The following ASPG variants were observed in gnomAD, a reference collection of about 807,000 sequenced individuals.
The protein encoded by ASPG is asparaginase.
Under a neutral mutation model 63.2 loss-of-function variants are expected in ASPG, and 53 were observed. The observed-to-expected ratio is 0.84, with a 90% CI of 0.67 to 1.05. The LOEUF (loss-of-function observed/expected upper bound fraction) is 1.05. ASPG is among the 50% of genes least tolerant of loss of function. ASPG has a pLI of 0.00. For synonymous variants in ASPG, 370 were observed against 355.0 expected (o/e 1.04, Z -0.48); for missense variants, 741 against 794.4 (o/e 0.93, Z 0.81).
chr14:104,108,414 C>T (rs945287635), intron 12 of ASPG: 21 of 985,284 alleles, frequency 2.1e-5, no homozygotes, highest in South Asian at 4.7e-5. Context: ...GCTCACAGCA[C>T]GCCCCCAACC....
At chr14:104,112,044 T>G in intron 15 of ASPG, 44 bp downstream of exon 15, 1 of 1,522,058 alleles carries the variant, frequency 6.6e-7, no homozygotes, top group Non-Finnish European at 8.9e-7. Context: ...CCAGTGAGCT[T>G]CTAGTGCAGG....
chr14:104,106,322 C>T (rs1252537955), intron 10 of ASPG, among the ~76,000 whole-genome samples: 4 of 152,228 alleles, frequency 2.6e-5, no homozygotes, highest in Non-Finnish European at 5.9e-5. Flanking sequence ...GGACCGCGGC[C>T]TTTTGGCGTC....
intron 2 of ASPG, 126 bp downstream of exon 2, chr14:104,092,867 A>G (rs1376893784): frequency 2.6e-6 from 2 of 778,914 alleles, no homozygotes; most frequent in Admixed American, 4.4e-5. Flanking sequence ...ACATCCCCTC[A>G]GCTTACAGGG....
At chr14:104,107,389 C>A in intron 12 of ASPG, 44 bp downstream of exon 12, 1 of 1,370,118 alleles carries the variant, frequency 7.3e-7, no homozygotes, top group South Asian at 1.9e-5. Flanking sequence ...GACAGGTGGG[C>A]GCAGAGAGGC....
chr14:104,097,853 C>CGT lies in ASPG; in HGVS notation c.513+216_513+217insGT, dbSNP rs1293899657. 6.9e-4 allele frequency among the ~76,000 whole-genome samples: 92 copies of CGT among 133,206 alleles called. 5 individuals carry two copies. The highest frequency in any genetic ancestry group is 1.3e-3 in the Admixed American group (18 of 13,348). The allele number at this position is 133,206 out of a possible 152,430, so 87.4% of individuals were successfully genotyped here. On this transcript the variant is annotated intron_variant, in intron 5 of 15. Transcript: ENST00000551177. Reference sequence around the variant, plus strand: ...GTATGGAGGTTCTGCGTTAGAGATGCATATGGAGGTTCTACGTTAGAGATA... The same window carrying CGT: ...GTATGGAGGTTCTGCGTTAGAGATGCGTATATGGAGGTTCTACGTTAGAGATA...
intron 12 of ASPG, chr14:104,108,472 T>G: frequency 1.0e-6 from 1 of 985,434 alleles, no homozygotes; most frequent in Non-Finnish European, 1.2e-6. Context: ...GCCGCCTGCC[T>G]GGCCCTGCTG....
rs1319760213 is a variant in ASPG, at chr14:104,110,205, C to A, written c.1520+890C>A. 9.1e-6 allele frequency: 9 copies of A among 985,008 alleles called. No individual in the cohort carries two copies. The East Asian group carries it at 3.4e-4, about 37-fold the overall frequency. The allele number at this position is 985,008 out of a possible 1,614,324, so 61.0% of individuals were successfully genotyped here. ...TGCTGTGAGTGGTGGGGTCTGTGCG[C>A]CTGTAAGTCCAGAGTCCCAGGCTTG... On this transcript the variant is annotated intron_variant, in intron 13 of 15. Coordinates refer to ENST00000551177, the MANE Select transcript of ASPG (RefSeq NM_001080464.3). This position sits in a 1 kb window ranked among gnomAD's most constrained non-coding sequence, Gnocchi z 4.7.
Position 104,086,067 on chromosome 14 carries a change from G to A in ASPG, c.82+215G>A, listed in dbSNP as rs1204199522. ...GAGATTGCGGTGGGTTCTCGCCGTCGCGGTGCTCCCGGGAGCGCCCTGCGA... is the reference window on the plus strand; with the variant it reads ...GAGATTGCGGTGGGTTCTCGCCGTCACGGTGCTCCCGGGAGCGCCCTGCGA... On this transcript the variant is annotated intron_variant, in intron 1 of 15. Coordinates refer to ENST00000551177, the MANE Select transcript of ASPG (RefSeq NM_001080464.3). 2.6e-5 allele frequency among the ~76,000 whole-genome samples: 4 copies of A among 152,230 alleles called. No individual in the cohort carries two copies. In the East Asian group the frequency reaches 7.8e-4, roughly 30 times the overall value.
intron 4 of ASPG, among the ~76,000 whole-genome samples, chr14:104,096,539 C>T (rs993120934): frequency 1.3e-5 from 2 of 152,144 alleles, no homozygotes; most frequent in South Asian, 2.1e-4. Flanking sequence ...CCCCAGAACT[C>T]GAGAAGGAGG....
In ASPG at chr14:104,098,190, G is replaced by A. The variant is rs367951384; in HGVS notation, c.513+553G>A. Among the ~76,000 whole-genome samples the A allele has an allele frequency of 2.8e-3, 379 of 133,128 alleles. 2 individuals carry two copies. Among genetic ancestry groups the A allele is most frequent in the Non-Finnish European group, 3.5e-3 (215 of 61,610 alleles). 87.3% of individuals were successfully genotyped at this position (133,128 alleles called of 152,430 possible). On this transcript the variant is annotated intron_variant, in intron 5 of 15. Coordinates refer to ENST00000551177, the MANE Select transcript of ASPG (RefSeq NM_001080464.3). ...CGTATGGAGGTTCTGCGTTAGAGAT[G>A]CGTATGGAGGTTTTACGTTAGAGAT...
rs1438461177 is a variant in ASPG at position 104,110,928 on chromosome 14, G to A, written c.1521-574G>A. ...CCAGGGCAGGTGGGCCCAGACCCCT[G>A]TCCCAGCCAGGACCCCCCCATGCAG... is the stretch of plus-strand genomic sequence containing the variant. On this transcript the variant is annotated intron_variant, in intron 13 of 15. Coordinates refer to ENST00000551177, the MANE Select transcript of ASPG (RefSeq NM_001080464.3). This position sits in a 1 kb window ranked among gnomAD's most constrained non-coding sequence, Gnocchi z 4.7. The A allele has an allele frequency of 2.0e-6, 2 of 985,300 alleles. No individual in the cohort carries two copies. Among genetic ancestry groups the A allele is most frequent in the African/African-American group, 3.5e-5 (2 of 57,222 alleles). The allele number at this position is 985,300 out of a possible 1,614,324, so 61.0% of individuals were successfully genotyped here.
At chr14:104,105,266 G>A in intron 9 of ASPG, 62 bp from the exon 10 acceptor site, 1 of 1,611,988 alleles carries the variant, frequency 6.2e-7, no homozygotes, top group Non-Finnish European at 8.5e-7. Flanking sequence ...CGACCCTCCA[G>A]GCTGTCCTGG....
Position 104,112,815 on chromosome 14 carries a change from T to C in ASPG, c.*271T>C. ...CTGTGGGGTCTCTGCGGGGGTCACT[T>C]GGCCCATCCTTCCGGGGGCAGCTGT... On this transcript the variant is annotated 3_prime_UTR_variant, in exon 16 of 16. Transcript: ENST00000551177. 1 of 612,092 alleles carries C rather than the reference T, an allele frequency of 1.6e-6. No individual in the cohort carries two copies. Among genetic ancestry groups the C allele is most frequent in the South Asian group, 2.0e-5 (1 of 49,592 alleles). 37.9% of individuals were successfully genotyped at this position (612,092 alleles called of 1,614,324 possible).
intron 13 of ASPG, chr14:104,111,060 C>T: frequency 1.0e-6 from 1 of 985,440 alleles, no homozygotes; most frequent in Non-Finnish European, 1.2e-6. Context: ...GGACCCCGCC[C>T]CGGGAAGAGC....
Position 104,110,405 on chromosome 14 carries a change from A to G in ASPG, c.1520+1090A>G. On this transcript the variant is annotated intron_variant, in intron 13 of 15. Coordinates refer to ENST00000551177, the MANE Select transcript of ASPG (RefSeq NM_001080464.3). This position sits in a 1 kb window ranked among gnomAD's most constrained non-coding sequence, Gnocchi z 4.7. ...GACTTGGTCAAGATTTGCACTCCAGACAGGCCTTGCTGGCTCCATTGACAG... is the reference window on the plus strand; with the variant it reads ...GACTTGGTCAAGATTTGCACTCCAGGCAGGCCTTGCTGGCTCCATTGACAG... 2 of 985,322 alleles carry G rather than the reference A, an allele frequency of 2.0e-6. No individual in the cohort carries two copies. Among genetic ancestry groups the G allele is most frequent in the Non-Finnish European group, 2.4e-6 (2 of 829,888 alleles). The allele number at this position is 985,322 out of a possible 1,614,324, so 61.0% of individuals were successfully genotyped here.
At position 104,096,113 on chromosome 14, in the gene ASPG, C is replaced by T. The variant is rs2036585610; in HGVS notation, c.429+457C>T. 7.9e-5 allele frequency among the ~76,000 whole-genome samples: 12 copies of T among 152,336 alleles called. No homozygotes were observed. The South Asian group carries it at 2.3e-3, about 29-fold the overall frequency. ...GGTCTAGGCGATGCCATCCTGGGGG[C>T]CCTGGCACACGATTTCCCTGCCTCT... On this transcript the variant is annotated intron_variant, in intron 4 of 15. Coordinates refer to ENST00000551177, the MANE Select transcript of ASPG (RefSeq NM_001080464.3).
intron 5 of ASPG, 106 bp from the exon 6 acceptor site, chr14:104,098,746 TC>T: frequency 6.6e-7 from 1 of 1,505,484 alleles, no homozygotes. Context: ...CAGTCCCACC[TC>T]CCCCTGGGTC....
At position 104,093,521 on chromosome 14, in the gene ASPG, C is replaced by T; in HGVS notation, c.222C>T (p.Tyr74=). ...CCAGCCGCAACCAGAGGATTCTCTA[C>T]ACCGTGCTGGAGTGCCAGCCCCTCT... ...PPASRNQRIL[Y]TVLECQPLFD... The change falls in exon 3 of 16, where the codon TAC becomes TAT. Residue 74 remains tyrosine, a synonymous_variant. Transcript: ENST00000551177. 6.2e-7 allele frequency: 1 copy of T among 1,612,784 alleles called. No individual in the cohort carries two copies.
rs1566835640 is a variant in ASPG, at chr14:104,103,637, G to A, written c.715G>A (p.Gly239Ser). Residue 239 changes from glycine (G) to serine (S), a missense_variant, in exon 7 of 16, where the codon GGC (glycine) becomes AGC (serine). Physicochemically the swap from Gly to Ser is moderately conservative, Grantham distance 56. Transcript: ENST00000551177. Reference sequence around the variant, plus strand: ...GCACAGCAGCATGGAGCAGGACGTGGGCCTGCTGCGCCTCTACCCTGGGAT... The same window carrying A: ...GCACAGCAGCATGGAGCAGGACGTGAGCCTGCTGCGCCTCTACCCTGGGAT... ...VVHSSMEQDVGLLRLYPGIPA... is the reference protein window; with the variant it reads ...VVHSSMEQDVSLLRLYPGIPA... 1.3e-6 allele frequency: 2 copies of A among 1,548,114 alleles called. No individual in the cohort carries two copies. The highest frequency in any genetic ancestry group is 1.7e-6 in the Non-Finnish European group (2 of 1,146,750).
Sources: allele counts gnomAD v4.1 joint callset (sites outside exome capture counted in the v4.1 genomes callset), GRCh38; gene constraint gnomAD v4.1.1; non-coding constraint Gnocchi (gnomAD v3.1); transcripts MANE v1.5; gene names NCBI Gene and HGNC (gene_info 2026-07-23, HGNC 2026-07-21).